The following CAMK4 variants were observed in gnomAD, a reference collection of about 807,000 sequenced individuals.
The protein encoded by CAMK4 is calcium/calmodulin dependent protein kinase IV, also known as calcium/calmodulin-dependent protein kinase type IV.
In CAMK4, 22 loss-of-function variants were observed where a neutral mutation model predicts 44.9. The observed-to-expected ratio is 0.49, with a 90% CI of 0.35 to 0.70. The LOEUF is 0.70. Among genes scored for constraint, CAMK4 ranks in the 30% least tolerant of loss-of-function variants. The pLI, the probability that CAMK4 is intolerant of heterozygous loss-of-function variation, is 0.01. For synonymous variants in CAMK4, 218 were observed against 215.4 expected (o/e 1.01, Z -0.11); for missense variants, 498 against 586.8 (o/e 0.85, Z 1.56).
chr5:111,334,581 A>G (rs1333791350), intron 1 of CAMK4, among the ~76,000 whole-genome samples: 1 of 151,630 alleles, frequency 6.6e-6, no homozygotes, highest in Admixed American at 6.6e-5. Context: ...AATAATTCAT[A>G]TAACCTAAAA....
rs547936193 is a variant in CAMK4, at chr5:111,254,276, T to C, written c.161+29632T>C. 2.1e-3 allele frequency among the ~76,000 whole-genome samples: 319 copies of C among 152,276 alleles called. 2 individuals carry two copies. The highest frequency in any genetic ancestry group is 3.9e-3 in the Non-Finnish European group (262 of 68,016). On this transcript the variant is annotated intron_variant, in intron 1 of 10. Coordinates refer to ENST00000282356, the MANE Select transcript of CAMK4 (RefSeq NM_001744.6). ...AAGACAGAAACTGACAGGAAATGAA[T>C]TTAGGGTAGGGGGCACTGACACCCA... is the stretch of plus-strand genomic sequence containing the variant.
At chr5:111,300,305 A>AAGATG (rs1747665777) in intron 1 of CAMK4, among the ~76,000 whole-genome samples, 1 of 152,228 alleles carries the variant, frequency 6.6e-6, no homozygotes, top group Non-Finnish European at 1.5e-5. Flanking sequence ...GCTGCATGTT[A>AAGATG]AGATGCTTAC....
intron 7 of CAMK4, among the ~76,000 whole-genome samples, chr5:111,458,254 G>C (rs1232635589): frequency 6.6e-6 from 1 of 152,188 alleles, no homozygotes; most frequent in Non-Finnish European, 1.5e-5. Context: ...GGGTGGCGAG[G>C]AAGGGTCATC....
At chr5:111,234,577 C>A (rs1486459770) in intron 1 of CAMK4, among the ~76,000 whole-genome samples, 1 of 152,170 alleles carries the variant, frequency 6.6e-6, no homozygotes, top group Non-Finnish European at 1.5e-5. Flanking sequence ...CTGGCTTAGG[C>A]AGCTAAAGGC....
chr5:111,326,705 A>G (rs1748905856), intron 1 of CAMK4, among the ~76,000 whole-genome samples: 1 of 151,870 alleles, frequency 6.6e-6, no homozygotes, highest in African/African-American at 2.4e-5. Context: ...GTACAAAGAA[A>G]CATTCTGTGA....
At chr5:111,364,940 C>T (rs912181364) in intron 2 of CAMK4, 2 of 152,184 alleles carry the variant, frequency 1.3e-5, no homozygotes, top group African/African-American at 4.8e-5. Flanking sequence ...CTTCTTGTTC[C>T]AGCACACCAT....
intron 1 of CAMK4, among the ~76,000 whole-genome samples, chr5:111,326,982 GCTTT>G (rs1262095809): frequency 6.6e-6 from 1 of 151,498 alleles, no homozygotes; most frequent in Non-Finnish European, 1.5e-5. Context: ...AAAGCTGAGT[GCTTT>G]CTAAGAAACT....
chr5:111,344,159 A>G (rs1245608281), intron 2 of CAMK4, 57 bp downstream of exon 2: 2 of 1,033,202 alleles, frequency 1.9e-6, no homozygotes, highest in Non-Finnish European at 3.0e-6. Flanking sequence ...TGGAGAAGGC[A>G]GGAACCTGAT....
At chr5:111,366,672 T>C (rs1018630293) in intron 2 of CAMK4, among the ~76,000 whole-genome samples, 1 of 152,144 alleles carries the variant, frequency 6.6e-6, no homozygotes, top group African/African-American at 2.4e-5. Flanking sequence ...GTTTCATCAA[T>C]CCCATTCCAG....
chr5:111,447,237 A>T (rs1234718902), intron 6 of CAMK4, among the ~76,000 whole-genome samples: 1 of 152,168 alleles, frequency 6.6e-6, no homozygotes, highest in Non-Finnish European at 1.5e-5. Context: ...GAACAGAGAT[A>T]AATTAAGATC....
chr5:111,254,797 T>C (rs1749669426), intron 1 of CAMK4, among the ~76,000 whole-genome samples: 2 of 152,164 alleles, frequency 1.3e-5, no homozygotes, highest in African/African-American at 4.8e-5. Context: ...GTGATAAAAA[T>C]GAAACTAGCC....
chr5:111,244,007 G>T (rs1749124420), intron 1 of CAMK4, among the ~76,000 whole-genome samples: 1 of 152,114 alleles, frequency 6.6e-6, no homozygotes, highest in Non-Finnish European at 1.5e-5. Flanking sequence ...GCACAGAGAA[G>T]TCACCTGTCT....
intron 4 of CAMK4, among the ~76,000 whole-genome samples, chr5:111,385,225 C>CT (rs1165622117): frequency 7.2e-5 from 11 of 152,134 alleles, no homozygotes; most frequent in Middle Eastern, 3.4e-3. Flanking sequence ...ATATTCAACT[C>CT]TAAGTATTCA....
intron 4 of CAMK4, among the ~76,000 whole-genome samples, chr5:111,386,198 C>G (rs1027750308): frequency 6.6e-6 from 1 of 152,154 alleles, no homozygotes; most frequent in South Asian, 2.1e-4. Flanking sequence ...TTGAAACTTA[C>G]AAAGAAGTGG....
At chr5:111,365,726 C>T (rs1334371892) in intron 2 of CAMK4, among the ~76,000 whole-genome samples, 2 of 152,088 alleles carry the variant, frequency 1.3e-5, no homozygotes, top group African/African-American at 2.4e-5. Context: ...AAACAAGTCA[C>T]TCCTTGAGAA....
chr5:111,392,149 A>G (rs979064151), intron 4 of CAMK4, among the ~76,000 whole-genome samples: 2 of 152,158 alleles, frequency 1.3e-5, no homozygotes, highest in African/African-American at 2.4e-5. Context: ...CATACACTAT[A>G]AAGAACTACC....
intron 2 of CAMK4, among the ~76,000 whole-genome samples, chr5:111,344,961 T>G (rs1019052864): frequency 6.6e-6 from 1 of 151,888 alleles, no homozygotes; most frequent in African/African-American, 2.4e-5. Flanking sequence ...AAATTTCATG[T>G]GAACAAATAT....
intron 1 of CAMK4, among the ~76,000 whole-genome samples, chr5:111,275,322 TTTC>T (rs1487297361): frequency 2.6e-5 from 4 of 152,052 alleles, no homozygotes; most frequent in East Asian, 1.9e-4. Context: ...AACACTTTAA[TTTC>T]TTCTTCTTTT....
At chr5:111,369,073 T>C (rs1750906078) in intron 2 of CAMK4, among the ~76,000 whole-genome samples, 1 of 149,876 alleles carries the variant, frequency 6.7e-6, no homozygotes, top group Non-Finnish European at 1.5e-5. Flanking sequence ...ATAATTATTA[T>C]TATTATTATT....
Sources: allele counts gnomAD v4.1 joint callset (sites outside exome capture counted in the v4.1 genomes callset), GRCh38; gene constraint gnomAD v4.1.1; transcripts MANE v1.5; gene names NCBI Gene and HGNC (gene_info 2026-07-23, HGNC 2026-07-21).